Variants in CTNNA3 observed in about 807,000 individuals in gnomAD.
CTNNA3 encodes catenin alpha 3.
CTNNA3 carries 76 observed loss-of-function variants against 95.7 expected under a neutral mutation model. That is an observed-to-expected ratio of 0.79 (90% confidence interval 0.66 to 0.96). The LOEUF (loss-of-function observed/expected upper bound fraction) is 0.96. Ranked by LOEUF, CTNNA3 falls within the 40% of genes least tolerant of loss-of-function variation. The probability of loss-of-function intolerance (pLI) is 0.00; values close to 1 mark genes in which losing one functional copy is unlikely to be tolerated. For missense variants in CTNNA3, 1,191 were observed against 1,089.8 expected (o/e 1.09, Z -1.31); for synonymous variants, 431 against 374.4 (o/e 1.15, Z -1.74).
At chr10:66,391,319 A>G (rs1005679598) in intron 11 of CTNNA3, among the ~76,000 whole-genome samples, 29 of 152,168 alleles carry the variant, frequency 1.9e-4, no homozygotes, top group African/African-American at 6.8e-4. Context: ...CACACACGAA[A>G]AAAAAGAAAG....
intron 1 of CTNNA3, among the ~76,000 whole-genome samples, chr10:67,665,331 A>G (rs1417197929): frequency 6.6e-6 from 1 of 152,218 alleles, no homozygotes; most frequent in Non-Finnish European, 1.5e-5. Context: ...GAGCTTTCAT[A>G]AAATAGTCTA....
intron 7 of CTNNA3, among the ~76,000 whole-genome samples, chr10:66,803,492 C>G: frequency 6.6e-6 from 1 of 152,022 alleles, no homozygotes; most frequent in East Asian, 1.9e-4. Context: ...TATCACTACA[C>G]ATTGTATATT....
intron 7 of CTNNA3, among the ~76,000 whole-genome samples, chr10:67,173,116 T>C (rs939155841): frequency 1.3e-5 from 2 of 152,214 alleles, no homozygotes; most frequent in African/African-American, 2.4e-5. Context: ...CAGGATAATA[T>C]TTCATTGTTC....
At chr10:67,747,841 C>A (rs552058551) in intron 1 of CTNNA3, among the ~76,000 whole-genome samples, 6 of 152,158 alleles carry the variant, frequency 3.9e-5, no homozygotes, top group East Asian at 3.9e-4. Context: ...CCTAACCTAA[C>A]GCAAAGAAGC....
intron 7 of CTNNA3, among the ~76,000 whole-genome samples, chr10:67,131,541 G>A (rs1188078547): frequency 3.3e-5 from 5 of 151,990 alleles, no homozygotes; most frequent in African/African-American, 9.7e-5. Flanking sequence ...GAACAAAGGA[G>A]GCTTGGTTCC....
At chr10:66,498,016 T>A (rs193105474) in intron 11 of CTNNA3, among the ~76,000 whole-genome samples, 68 of 152,258 alleles carry the variant, frequency 4.5e-4, no homozygotes, top group African/African-American at 1.6e-3. Flanking sequence ...AACAGTATTT[T>A]AAATTCTTTC....
intron 16 of CTNNA3, among the ~76,000 whole-genome samples, chr10:65,974,806 A>G (rs1278315731): frequency 6.6e-6 from 1 of 152,190 alleles, no homozygotes; most frequent in Non-Finnish European, 1.5e-5. Context: ...TGGGAAAGAA[A>G]TATATGACAA....
intron 12 of CTNNA3, among the ~76,000 whole-genome samples, chr10:66,282,587 T>G (rs1408429525): frequency 6.6e-6 from 1 of 151,750 alleles, no homozygotes; most frequent in Non-Finnish European, 1.5e-5. Flanking sequence ...CCATTGAGAA[T>G]TTTTAGCCCC....
intron 11 of CTNNA3, among the ~76,000 whole-genome samples, chr10:66,427,452 T>A (rs927597002): frequency 1.3e-5 from 2 of 152,064 alleles, no homozygotes; most frequent in African/African-American, 4.8e-5. Context: ...AGGGTCAGTA[T>A]CTGGGCACTT....
chr10:67,758,906 T>C (rs1841448201), intron 1 of CTNNA3, among the ~76,000 whole-genome samples: 1 of 152,162 alleles, frequency 6.6e-6, no homozygotes, highest in African/African-American at 2.4e-5. Context: ...GAAGACCCCA[T>C]CCTTCTTGAT....
chr10:67,700,068 G>C (rs1003976303), upstream of CTNNA3, among the ~76,000 whole-genome samples: 1 of 152,262 alleles, frequency 6.6e-6, no homozygotes, highest in African/African-American at 2.4e-5. Flanking sequence ...GCGAGGCTGG[G>C]GGAGGGGCGC....
intron 11 of CTNNA3, among the ~76,000 whole-genome samples, chr10:66,397,063 C>T (rs2092983917): frequency 6.6e-6 from 1 of 151,374 alleles, no homozygotes; most frequent in Non-Finnish European, 1.5e-5. Context: ...TATTTCTCTA[C>T]AATATAGCAT....
chr10:66,063,470 T>A (rs1422875978), intron 15 of CTNNA3, among the ~76,000 whole-genome samples: 1 of 151,590 alleles, frequency 6.6e-6, no homozygotes, highest in African/African-American at 2.4e-5. Context: ...TATTTACTTC[T>A]GAAATTTCTT....
chr10:66,446,106 C>T (rs1353405460), intron 11 of CTNNA3, among the ~76,000 whole-genome samples: 2 of 152,148 alleles, frequency 1.3e-5, no homozygotes, highest in Non-Finnish European at 2.9e-5. Context: ...CACATACACC[C>T]TCCCAAGACT....
At position 66,734,547 on chromosome 10, in the gene CTNNA3, T is replaced by C. The variant is rs141369533; in HGVS notation, c.1281+31717A>G. On this transcript the variant is annotated intron_variant, in intron 9 of 17. Coordinates refer to ENST00000433211, the MANE Select transcript of CTNNA3 (RefSeq NM_013266.4). ...AGTTATATAAAACTCTGACTTTAAA[T>C]GTAAAAAAGTGCATTACATTATGAA... Among the ~76,000 whole-genome samples, 879 of 152,316 alleles carry C rather than the reference T, an allele frequency of 5.8e-3. 12 individuals carry two copies. The highest frequency in any genetic ancestry group is 0.02 in the African/African-American group (826 of 41,570).
intron 5 of CTNNA3, among the ~76,000 whole-genome samples, chr10:67,322,937 A>G (rs1206599196): frequency 6.6e-6 from 1 of 152,158 alleles, no homozygotes; most frequent in East Asian, 1.9e-4. Context: ...ATGATACCTC[A>G]TTGTGGTTTT....
At position 66,295,934 on chromosome 10, in the gene CTNNA3, A is replaced by G. The variant is rs181785007; in HGVS notation, c.1733-15313T>C. On this transcript the variant is annotated intron_variant, in intron 12 of 17. Coordinates refer to ENST00000433211, the MANE Select transcript of CTNNA3 (RefSeq NM_013266.4). ...GGCTTCAGTAGGAAAAATTTTGGAG[A>G]TGGCAATAACACTTTTTAGTATTGG... Among the ~76,000 whole-genome samples, 388 of 152,034 alleles carry G rather than the reference A, an allele frequency of 2.6e-3. 7 individuals are homozygous for G. The highest frequency in any genetic ancestry group is 6.5e-4 in the Non-Finnish European group (44 of 67,972).
chr10:66,353,180 C>A (rs1433777606), intron 12 of CTNNA3, among the ~76,000 whole-genome samples: 1 of 151,754 alleles, frequency 6.6e-6, no homozygotes, highest in African/African-American at 2.4e-5. Context: ...TTAAAAATTC[C>A]TCAGTAAAGC....
chr10:66,292,801 G>A (rs753252176), intron 12 of CTNNA3, among the ~76,000 whole-genome samples: 1 of 152,138 alleles, frequency 6.6e-6, no homozygotes, highest in East Asian at 1.9e-4. Flanking sequence ...GCCTGCAAAT[G>A]TAGAGAGAAA....
Sources: allele counts gnomAD v4.1 joint callset (sites outside exome capture counted in the v4.1 genomes callset), GRCh38; gene constraint gnomAD v4.1.1; transcripts MANE v1.5; gene names NCBI Gene and HGNC (gene_info 2026-07-23, HGNC 2026-07-21).